Variants in DLGAP2 observed in about 807,000 individuals in gnomAD.
DLGAP2 encodes disks large-associated protein 2.
A neutral mutation model predicts 100.3 loss-of-function variants in DLGAP2; 26 were observed. The observed-to-expected ratio is 0.26, with a 90% CI of 0.19 to 0.36. DLGAP2 has a LOEUF of 0.36. Ranked by LOEUF, DLGAP2 falls within the 10% of genes least tolerant of loss-of-function variation. The probability of loss-of-function intolerance (pLI) is 1.00; values close to 1 mark genes in which losing one functional copy is unlikely to be tolerated. For missense variants in DLGAP2, 1,858 were observed against 1,453.2 expected (o/e 1.28, Z -4.53); for synonymous variants, 886 against 630.1 (o/e 1.41, Z -6.08).
At chr8:1,140,563 T>A (rs1343138707) in intron 2 of DLGAP2, among the ~76,000 whole-genome samples, 1 of 152,144 alleles carries the variant, frequency 6.6e-6, no homozygotes, top group Non-Finnish European at 1.5e-5. Context: ...GGGAGCTGAC[T>A]TATCAGAGGC....
At chr8:858,261 C>A (rs1191107549) in intron 1 of DLGAP2, among the ~76,000 whole-genome samples, 1 of 152,272 alleles carries the variant, frequency 6.6e-6, no homozygotes, top group Non-Finnish European at 1.5e-5. Context: ...AAGGAATGAT[C>A]TACCAGGCTG....
intron 2 of DLGAP2, among the ~76,000 whole-genome samples, chr8:1,078,606 C>T (rs1281363692): frequency 2.0e-5 from 3 of 152,184 alleles, no homozygotes; most frequent in Non-Finnish European, 2.9e-5. Flanking sequence ...TGATCTTTTA[C>T]TGTCTTCATA....
chr8:1,247,070 T>C, intron 2 of DLGAP2: 1 of 79,926 alleles, frequency 1.3e-5, no homozygotes, highest in Non-Finnish European at 2.2e-5. Context: ...GATCAGTGTG[T>C]GGAGTGATGG....
chr8:835,088 T>C (rs141344262), intron 1 of DLGAP2, among the ~76,000 whole-genome samples: 64 of 152,302 alleles, frequency 4.2e-4, no homozygotes, highest in African/African-American at 1.5e-3. Flanking sequence ...TGTGCACGTG[T>C]GTTAATGTGC....
intron 6 of DLGAP2, among the ~76,000 whole-genome samples, chr8:1,613,343 T>G (rs13264009): frequency 0.58 from 85,958 of 147,520 alleles, 24,938 homozygotes; most frequent in Middle Eastern, 0.7. Context: ...ACTGAACAAT[T>G]AGAACACGTG....
chr8:1,432,445 T>C (rs7002326), intron 3 of DLGAP2, among the ~76,000 whole-genome samples: 32,344 of 152,168 alleles, frequency 0.21, 3,846 homozygotes, highest in Middle Eastern at 0.29. Context: ...CCTGTCTAAA[T>C]GTTTATTTGT....
intron 6 of DLGAP2, among the ~76,000 whole-genome samples, chr8:1,586,979 A>G (rs1796141209): frequency 6.6e-6 from 1 of 152,160 alleles, no homozygotes; most frequent in African/African-American, 2.4e-5. Flanking sequence ...GCTTTTTTCT[A>G]ATGGGCTGAT....
intron 5 of DLGAP2, among the ~76,000 whole-genome samples, chr8:1,551,092 C>T (rs999232501): frequency 2.1e-4 from 32 of 152,224 alleles, no homozygotes; most frequent in African/African-American, 7.2e-4. Flanking sequence ...CTCAACAGCT[C>T]TGTTTTGAAA....
intron 2 of DLGAP2, among the ~76,000 whole-genome samples, chr8:1,040,634 G>A (rs866667598): frequency 2.0e-5 from 3 of 149,926 alleles, no homozygotes; most frequent in African/African-American, 7.4e-5. Context: ...CTCGATTTCC[G>A]TGGTTGGCTC....
chr8:803,147 G>C (rs1011187086), intron 1 of DLGAP2, among the ~76,000 whole-genome samples: 1 of 152,012 alleles, frequency 6.6e-6, no homozygotes, highest in Non-Finnish European at 1.5e-5. Flanking sequence ...GGGTGCATTT[G>C]TGTGTCTAGA....
At chr8:1,211,330 G>C (rs954664817) in intron 2 of DLGAP2, among the ~76,000 whole-genome samples, 3 of 152,226 alleles carry the variant, frequency 2.0e-5, no homozygotes, top group Admixed American at 2.0e-4. Flanking sequence ...GGCTTTTGCA[G>C]GGGTAATGAA....
intron 8 of DLGAP2, 92 bp from the exon 9 acceptor site, chr8:1,668,237 G>C: frequency 8.0e-7 from 1 of 1,244,924 alleles, no homozygotes; most frequent in Non-Finnish European, 1.1e-6. Context: ...GACTTGCTCC[G>C]TCAACCACAG....
chr8:1,582,078 C>A (rs58641876), intron 6 of DLGAP2, among the ~76,000 whole-genome samples: 2 of 141,484 alleles, frequency 1.4e-5, no homozygotes, highest in Non-Finnish European at 3.0e-5. Context: ...AGGATACAGA[C>A]AAAACCCCGC....
At chr8:1,596,776 G>A (rs1796472049) in intron 6 of DLGAP2, among the ~76,000 whole-genome samples, 1 of 151,960 alleles carries the variant, frequency 6.6e-6, no homozygotes, top group South Asian at 2.1e-4. Flanking sequence ...CTGGATATTA[G>A]CCCTTTGTCA....
Position 1,122,753 on chromosome 8 carries a change from CTTTTTTCTTTT to C in DLGAP2, c.74-136086_74-136076del, listed in dbSNP as rs1318304412. On this transcript the variant is annotated intron_variant, in intron 2 of 14. Coordinates refer to ENST00000637795, the MANE Select transcript of DLGAP2 (RefSeq NM_001346810.2). Reference sequence around the variant, plus strand: ...CTCATTTCCTCCCTCCCTTCATCTTCTTTTTTCTTTTTTTTTTCTTTTCTGGAAGCTGTCTT... The same window carrying C: ...CTCATTTCCTCCCTCCCTTCATCTTCTTTTTTCTTTTCTGGAAGCTGTCTT... Among the ~76,000 whole-genome samples, 4 of 151,914 alleles carry C rather than the reference CTTTTTTCTTTT, an allele frequency of 2.6e-5. No individual in the cohort carries two copies. In the East Asian group the frequency reaches 5.8e-4, roughly 22 times the overall value.
chr8:883,638 C>T (rs931860704), intron 1 of DLGAP2, among the ~76,000 whole-genome samples: 15 of 151,540 alleles, frequency 9.9e-5, no homozygotes, highest in African/African-American at 3.2e-4. Flanking sequence ...CGTAGGAGCG[C>T]GGGTGCCGCG....
In DLGAP2 at chr8:1,240,089, A is replaced by T. The variant is rs1202534499; in HGVS notation, c.74-18762A>T. On this transcript the variant is annotated intron_variant, in intron 2 of 14. Coordinates refer to ENST00000637795, the MANE Select transcript of DLGAP2 (RefSeq NM_001346810.2). ...AGTTATCTCACATGGTGCCGTTTCTAGTTCTCTCACATGGCGCCATGTCTA... is the reference window on the plus strand; with the variant it reads ...AGTTATCTCACATGGTGCCGTTTCTTGTTCTCTCACATGGCGCCATGTCTA... 2.0e-5 allele frequency among the ~76,000 whole-genome samples: 3 copies of T among 147,858 alleles called. 1 individual carries two copies. The East Asian group carries it at 6.3e-4, about 31-fold the overall frequency.
At chr8:898,977 C>T (rs1272133093) in intron 1 of DLGAP2, among the ~76,000 whole-genome samples, 2 of 152,234 alleles carry the variant, frequency 1.3e-5, no homozygotes, top group African/African-American at 4.8e-5. Flanking sequence ...CCCAGAACTC[C>T]TGCGTGGGTC....
At chr8:790,015 T>C (rs1334555340) in intron 1 of DLGAP2, among the ~76,000 whole-genome samples, 3 of 152,140 alleles carry the variant, frequency 2.0e-5, no homozygotes, top group Admixed American at 6.5e-5. Flanking sequence ...GGTAATTCAG[T>C]CATGGGACGG....
Sources: gnomAD v4.1 joint callset for allele counts (sites outside exome capture counted in the v4.1 genomes callset) on GRCh38, gnomAD v4.1.1 for gene constraint, MANE v1.5 for transcripts, NCBI Gene and HGNC (gene_info 2026-07-23, HGNC 2026-07-21) for gene names.